NCAM2: variants seen among roughly 807,000 people sequenced by gnomAD.
NCAM2 encodes N-CAM-2.
NCAM2 carries 30 observed loss-of-function variants against 98.1 expected under a neutral mutation model. The ratio of observed to expected loss-of-function variants is 0.31; its 90% CI spans 0.23 to 0.41. The LOEUF (loss-of-function observed/expected upper bound fraction) is 0.41, where lower values mean the gene tolerates loss of function less well. Among genes scored for constraint, NCAM2 ranks in the 10% least tolerant of loss-of-function variants. NCAM2 has a pLI of 1.00. For synonymous variants in NCAM2, 368 were observed against 342.4 expected (o/e 1.07, Z -0.83); for missense variants, 867 against 1,005.8 (o/e 0.86, Z 1.87).
chr21:21,461,393 A>G (rs923177003), intron 12 of NCAM2, among the ~76,000 whole-genome samples: 1 of 151,870 alleles, frequency 6.6e-6, no homozygotes, highest in Non-Finnish European at 1.5e-5. Flanking sequence ...TTAAACTCCA[A>G]TTGTTAAATT....
chr21:21,037,291 C>CA (rs1350270416), intron 1 of NCAM2, among the ~76,000 whole-genome samples: 1 of 152,014 alleles, frequency 6.6e-6, no homozygotes, highest in Non-Finnish European at 1.5e-5. Flanking sequence ...GTCATGGTAT[C>CA]AAAAAATATT....
chr21:21,513,114 C>G (rs117435095), intron 16 of NCAM2, among the ~76,000 whole-genome samples: 2,940 of 152,150 alleles, frequency 0.019, 36 homozygotes, highest in South Asian at 0.035. Flanking sequence ...ACATCCAGTA[C>G]TACGTTAATA....
At chr21:21,315,839 G>T (rs1470914540) in intron 5 of NCAM2, among the ~76,000 whole-genome samples, 1 of 152,140 alleles carries the variant, frequency 6.6e-6, no homozygotes, top group African/African-American at 2.4e-5. Context: ...TCTTCAAATA[G>T]ATGACATACA....
intron 9 of NCAM2, among the ~76,000 whole-genome samples, chr21:21,374,991 C>G (rs1308930650): frequency 2.6e-5 from 4 of 151,020 alleles, no homozygotes; most frequent in African/African-American, 2.4e-5. Context: ...TCAGAAACTT[C>G]TAAAAGAAAA....
At chr21:21,499,280 G>A (rs370917766) in intron 15 of NCAM2, among the ~76,000 whole-genome samples, 2 of 152,088 alleles carry the variant, frequency 1.3e-5, no homozygotes, top group South Asian at 2.1e-4. Context: ...ACAGAGTCTC[G>A]CTCCAGGCTG....
intron 1 of NCAM2, among the ~76,000 whole-genome samples, chr21:21,018,984 G>A (rs530401208): frequency 2.0e-5 from 3 of 152,302 alleles, no homozygotes; most frequent in African/African-American, 7.2e-5. Context: ...CACGTGGTTG[G>A]TCATTGAAGT....
chr21:21,243,256 C>G (rs1030434242), intron 1 of NCAM2, among the ~76,000 whole-genome samples: 3 of 152,072 alleles, frequency 2.0e-5, no homozygotes, highest in Non-Finnish European at 4.4e-5. Flanking sequence ...AGTCTTAGAA[C>G]TATGGGAAGA....
intron 5 of NCAM2, among the ~76,000 whole-genome samples, chr21:21,309,591 T>C (rs1379858247): frequency 6.6e-6 from 1 of 152,184 alleles, no homozygotes; most frequent in Non-Finnish European, 1.5e-5. Context: ...CTCTCATGGG[T>C]GCACTCATCA....
At chr21:21,336,191 T>A (rs958451250) in intron 7 of NCAM2, among the ~76,000 whole-genome samples, 5 of 152,116 alleles carry the variant, frequency 3.3e-5, no homozygotes, top group African/African-American at 2.4e-5. Context: ...TATAATGACG[T>A]AGCTTCAATT....
At chr21:21,418,203 A>C (rs1332538005) in intron 10 of NCAM2, among the ~76,000 whole-genome samples, 4 of 152,046 alleles carry the variant, frequency 2.6e-5, no homozygotes, top group African/African-American at 9.7e-5. Flanking sequence ...TATTTAATAG[A>C]TACATCGAAG....
chr21:21,226,725 A>G (rs906496138), intron 1 of NCAM2: 4 of 152,104 alleles, frequency 2.6e-5, no homozygotes, highest in African/African-American at 7.2e-5. Context: ...AGGCTGTATT[A>G]GTAATGAAGA....
chr21:21,319,255 A>T (rs2074305823), intron 5 of NCAM2, among the ~76,000 whole-genome samples: 1 of 152,260 alleles, frequency 6.6e-6, no homozygotes, highest in Non-Finnish European at 1.5e-5. Flanking sequence ...AAATGAAAAC[A>T]TACAAATAAA....
At chr21:21,218,171 A>T (rs1299433530) in intron 1 of NCAM2, among the ~76,000 whole-genome samples, 4 of 152,154 alleles carry the variant, frequency 2.6e-5, no homozygotes, top group African/African-American at 9.7e-5. Context: ...TGCGTTTAGG[A>T]TATTGTTAGG....
chr21:21,483,855 TA>T (rs1986112868), intron 15 of NCAM2, among the ~76,000 whole-genome samples: 1 of 152,140 alleles, frequency 6.6e-6, no homozygotes, highest in Admixed American at 6.5e-5. Flanking sequence ...TTATGGCCAA[TA>T]GGTTAATGCT....
chr21:21,158,612 C>CAAA lies in NCAM2; in HGVS notation c.56-121955_56-121953dup, dbSNP rs34097159. 5.6e-3 allele frequency among the ~76,000 whole-genome samples: 808 copies of CAAA among 144,226 alleles called. 9 individuals carry two copies. Among genetic ancestry groups the CAAA allele is most frequent in the Middle Eastern group, 7.3e-3 (2 of 274 alleles). 94.6% of individuals were successfully genotyped at this position (144,226 alleles called of 152,430 possible). ...GAGTGAGACACCGTCCCCGCCCCCG[C>CAAA]AAAAAAAAAAAAAGATTATCATGGT... is the stretch of plus-strand genomic sequence containing the variant. On this transcript the variant is annotated intron_variant, in intron 1 of 17. Transcript: ENST00000400546.
rs1409973055 is a variant in NCAM2, at chr21:21,477,306, C to A, written c.1912C>A (p.Gln638Lys). Residue 638 changes from glutamine (Q) to lysine (K), a missense_variant, in exon 15 of 18, where the codon CAA (glutamine) becomes AAA (lysine). Gln to Lys is a moderately conservative substitution (Grantham distance 53). Around this residue, in one of 5 missense-constraint regions of NCAM2, gnomAD observed 234 missense variants for 333.8 expected, o/e 0.70. Coordinates refer to ENST00000400546, the MANE Select transcript of NCAM2 (RefSeq NM_004540.5). ...GCTTTCACAGAAAGATAAGGAAGAC[C>A]AATGGCTAGAGAAAAAAGTGCAAGG... Reference protein sequence around the residue: ...VKYRSKDKEDQWLEKKVQGNK... With the variant: ...VKYRSKDKEDKWLEKKVQGNK... The A allele has an allele frequency of 1.3e-6, 2 of 1,595,616 alleles. No individual in the cohort carries two copies. The highest frequency in any genetic ancestry group is 1.7e-6 in the Non-Finnish European group (2 of 1,169,236).
In NCAM2 at chr21:21,418,504, G is replaced by A. The variant is rs918553906; in HGVS notation, c.1415G>A (p.Arg472His). 10 of 1,611,512 alleles carry A rather than the reference G, an allele frequency of 6.2e-6. No individual in the cohort carries two copies. Among genetic ancestry groups the A allele is most frequent in the South Asian group, 2.2e-5 (2 of 91,004 alleles). The stretch of plus-strand genomic sequence containing the variant: ...CCTACATCTGACAATGACTTTGGAC[G>A]CTATAATTGCACAGCCACTAATCAT... ...IAPTSDNDFGRYNCTATNHIG... is the reference protein window; with the variant it reads ...IAPTSDNDFGHYNCTATNHIG... The change falls in exon 11 of 18, where the codon CGC (arginine) becomes CAC (histidine). Residue 472 changes from arginine (R) to histidine (H), a missense_variant. Physicochemically the swap from Arg to His is conservative, Grantham distance 29. Coordinates refer to ENST00000400546, the MANE Select transcript of NCAM2 (RefSeq NM_004540.5).
intron 14 of NCAM2, among the ~76,000 whole-genome samples, chr21:21,472,696 G>GA (rs1167021755): frequency 2.0e-5 from 3 of 151,570 alleles, no homozygotes; most frequent in Non-Finnish European, 2.9e-5. Flanking sequence ...AGAAACACAA[G>GA]AAAAAATGCA....
chr21:21,079,735 C>A (rs1290682069), intron 1 of NCAM2, among the ~76,000 whole-genome samples: 1 of 152,108 alleles, frequency 6.6e-6, no homozygotes, highest in Non-Finnish European at 1.5e-5. Context: ...AAAGACTCAT[C>A]TCCTTAAAAA....
Sources: allele counts gnomAD v4.1 joint callset (sites outside exome capture counted in the v4.1 genomes callset), GRCh38; gene constraint gnomAD v4.1.1; regional missense constraint gnomAD v4.1.1; transcripts MANE v1.5; gene names NCBI Gene and HGNC (gene_info 2026-07-23, HGNC 2026-07-21).